Variants in CUBN observed in about 807,000 individuals in gnomAD.
CUBN encodes the protein cubilin, also known as 460 kDa receptor.
In CUBN, 282 loss-of-function variants were observed where a neutral mutation model predicts 405.3. That is an observed-to-expected ratio of 0.70 (90% CI 0.63 to 0.77). The LOEUF is 0.77. Among genes scored for constraint, CUBN ranks in the 30% least tolerant of loss-of-function variants. The pLI, the probability that CUBN is intolerant of heterozygous loss-of-function variation, is 0.00. For missense variants in CUBN, 4,514 were observed against 4,475.2 expected (o/e 1.01, Z -0.25); for synonymous variants, 1,684 against 1,617.0 (o/e 1.04, Z -0.99).
At chr10:17,078,062 TCTC>T (rs1044226955) in intron 17 of CUBN, among the ~76,000 whole-genome samples, 2 of 152,070 alleles carry the variant, frequency 1.3e-5, no homozygotes, top group Admixed American at 6.6e-5. Flanking sequence ...TGCCCTCTCT[TCTC>T]CTCCCCATCA....
intron 4 of CUBN, among the ~76,000 whole-genome samples, chr10:17,125,426 TG>T (rs1362455427): frequency 3.3e-5 from 5 of 152,226 alleles, no homozygotes; most frequent in African/African-American, 1.2e-4. Context: ...ACCACACGTC[TG>T]GGGGTCTCTT....
At chr10:17,104,382 C>T in intron 12 of CUBN, 37 bp downstream of exon 12, 1 of 1,595,170 alleles carries the variant, frequency 6.3e-7, no homozygotes, top group South Asian at 1.1e-5. Context: ...TGCTGCTATG[C>T]TGTGAGCATC....
At chr10:16,977,072 C>G (rs1250768801) in intron 31 of CUBN, among the ~76,000 whole-genome samples, 2 of 152,106 alleles carry the variant, frequency 1.3e-5, no homozygotes, top group South Asian at 2.1e-4. Flanking sequence ...TTTCTATTGT[C>G]TCTTACTCAT....
chr10:16,928,393 T>G (rs1288795582), intron 40 of CUBN, 90 bp from the exon 41 acceptor site: 5 of 1,421,824 alleles, frequency 3.5e-6, no homozygotes, highest in Non-Finnish European at 3.9e-6. Context: ...GCTCACACAT[T>G]TTTCTCAGAA....
At chr10:16,920,572 C>T (rs559502515) in intron 43 of CUBN, among the ~76,000 whole-genome samples, 1 of 152,216 alleles carries the variant, frequency 6.6e-6, no homozygotes, top group South Asian at 2.1e-4. Context: ...TATATCTTTG[C>T]ACAACTCGGG....
intron 22 of CUBN, among the ~76,000 whole-genome samples, chr10:17,051,338 C>T (rs543140213): frequency 4.0e-5 from 6 of 151,678 alleles, no homozygotes; most frequent in South Asian, 4.2e-4. Flanking sequence ...TCCAGCCTGG[C>T]GACAGAGTGA....
chr10:17,126,950 C>G, intron 3 of CUBN, 151 bp from the exon 4 acceptor site: 1 of 802,236 alleles, frequency 1.2e-6, no homozygotes, highest in Non-Finnish European at 2.1e-6. Flanking sequence ...TCATTCCTCT[C>G]CCCTCAGGAT....
intron 53 of CUBN, 116 bp from the exon 54 acceptor site, chr10:16,899,299 A>G: frequency 1.2e-6 from 1 of 817,336 alleles, no homozygotes; most frequent in Non-Finnish European, 2.1e-6. Flanking sequence ...CATTTTTTAC[A>G]AGTGATCATC....
chr10:17,039,084 C>CG (rs1316454459), intron 27 of CUBN, among the ~76,000 whole-genome samples: 4 of 151,886 alleles, frequency 2.6e-5, no homozygotes, highest in Admixed American at 6.6e-5. Flanking sequence ...TTTCCTCCCC[C>CG]CTCTTTCTGC....
intron 36 of CUBN, among the ~76,000 whole-genome samples, chr10:16,946,508 T>A (rs1020832026): frequency 1.1e-4 from 17 of 149,212 alleles, no homozygotes; most frequent in Middle Eastern, 3.4e-3. Flanking sequence ...TTTTTTTTTT[T>A]TTTTTAAGAT....
intron 39 of CUBN, among the ~76,000 whole-genome samples, chr10:16,933,646 T>G (rs1842421907): frequency 6.6e-6 from 1 of 152,154 alleles, no homozygotes; most frequent in African/African-American, 2.4e-5. Context: ...TTATCATTTT[T>G]GCGTAGTTAC....
chr10:17,076,383 C>G (rs1835854270), intron 17 of CUBN, among the ~76,000 whole-genome samples: 1 of 151,102 alleles, frequency 6.6e-6, no homozygotes, highest in Admixed American at 6.6e-5. Flanking sequence ...GAAAGAGACA[C>G]TAGAATAAAA....
intron 33 of CUBN, 95 bp downstream of exon 33, chr10:16,952,181 T>C: frequency 3.5e-6 from 3 of 853,722 alleles, no homozygotes; most frequent in Non-Finnish European, 6.0e-6. Flanking sequence ...GGCCATCGAT[T>C]GTTAGCACTG....
At chr10:16,872,800 T>C (rs1364795651) in intron 58 of CUBN, among the ~76,000 whole-genome samples, 1 of 152,244 alleles carries the variant, frequency 6.6e-6, no homozygotes. Flanking sequence ...CTTTCACGCC[T>C]GTGCAGGCAT....
chr10:17,018,773 C>T (rs1834414063), intron 28 of CUBN, among the ~76,000 whole-genome samples: 1 of 152,184 alleles, frequency 6.6e-6, no homozygotes, highest in African/African-American at 2.4e-5. Flanking sequence ...TCCGTTTTTA[C>T]AGACCGCTGA....
intron 59 of CUBN, among the ~76,000 whole-genome samples, chr10:16,854,309 T>A (rs1350466529): frequency 6.6e-6 from 1 of 152,130 alleles, no homozygotes; most frequent in African/African-American, 2.4e-5. Context: ...AGAATTAGGA[T>A]TGGGAAAACA....
At chr10:16,857,215 T>C (rs1427479211) in intron 59 of CUBN, among the ~76,000 whole-genome samples, 1 of 152,266 alleles carries the variant, frequency 6.6e-6, no homozygotes, top group African/African-American at 2.4e-5. Flanking sequence ...TTTGTTTGTT[T>C]TTAGTTGCTT....
chr10:17,129,377 A>C, intron 1 of CUBN, 127 bp from the exon 2 acceptor site: 2 of 1,135,824 alleles, frequency 1.8e-6, no homozygotes, highest in South Asian at 2.7e-5. Flanking sequence ...TCTCAACCCA[A>C]CTGCCCCTGC....
At position 16,901,452 on chromosome 10, in the gene CUBN, G is replaced by A. The variant is rs538642374; in HGVS notation, c.8070C>T (p.Gly2690=). 3.1e-6 allele frequency: 5 copies of A among 1,614,018 alleles called. No individual in the cohort carries two copies. Among genetic ancestry groups the A allele is most frequent in the East Asian group, 2.2e-5 (1 of 44,872 alleles). Residue 2690 remains glycine, a synonymous_variant, in exon 52 of 67, where the codon GGC becomes GGT. Transcript: ENST00000377833. ...FHAKYSFTDC[G]GIQIGDSGVI... ...CTCCACTGTCACCTATCTGTATTCCGCCACAATCTGAAATGAGATTGGTAA... is the reference window on the plus strand; with the variant it reads ...CTCCACTGTCACCTATCTGTATTCCACCACAATCTGAAATGAGATTGGTAA...
Sources: allele counts gnomAD v4.1 joint callset (sites outside exome capture counted in the v4.1 genomes callset), GRCh38; gene constraint gnomAD v4.1.1; transcripts MANE v1.5; gene names NCBI Gene and HGNC (gene_info 2026-07-23, HGNC 2026-07-21).